The following BDH1 variants were observed in gnomAD, a reference collection of about 807,000 sequenced individuals.
The protein encoded by BDH1 is 3-hydroxybutyrate dehydrogenase 1, also known as D-beta-hydroxybutyrate dehydrogenase, mitochondrial.
BDH1 carries 30 observed loss-of-function variants against 33.1 expected under a neutral mutation model. The ratio of observed to expected loss-of-function variants is 0.91; its 90% confidence interval spans 0.68 to 1.23. The LOEUF (loss-of-function observed/expected upper bound fraction) is 1.23. Among genes scored for constraint, BDH1 ranks in the 50% most tolerant of loss-of-function variants. The pLI is 0.00. For synonymous variants in BDH1, 190 were observed against 183.6 expected, an observed-to-expected ratio of 1.03 and a Z score of -0.28; for missense variants, 443 against 464.4, an observed-to-expected ratio of 0.95 and a Z score of 0.42.
upstream of BDH1, among the ~76,000 whole-genome samples, chr3:197,559,797 G>T (rs1304412313): frequency 6.6e-6 from 1 of 152,246 alleles, no homozygotes; most frequent in Non-Finnish European, 1.5e-5. Flanking sequence ...TGGGTTAAGG[G>T]GTCAGACAAA....
intron 1 of BDH1, among the ~76,000 whole-genome samples, chr3:197,569,845 T>C (rs773154956): frequency 6.6e-6 from 1 of 152,208 alleles, no homozygotes; most frequent in Non-Finnish European, 1.5e-5. Context: ...ATACAGTAAA[T>C]TGGTACTGGT....
At chr3:197,567,042 T>C (rs1717454537) in intron 1 of BDH1, among the ~76,000 whole-genome samples, 1 of 151,964 alleles carries the variant, frequency 6.6e-6, no homozygotes. Flanking sequence ...ATTGTTCTTT[T>C]GTTTGTTGTT....
chr3:197,570,076 C>A (rs1195841680), intron 1 of BDH1, among the ~76,000 whole-genome samples: 1 of 152,150 alleles, frequency 6.6e-6, no homozygotes, highest in Non-Finnish European at 1.5e-5. Flanking sequence ...GGAGATGAGG[C>A]ACTTGGGAAC....
At chr3:197,572,326 G>A (rs2108779791) in intron 1 of BDH1, among the ~76,000 whole-genome samples, 1 of 152,270 alleles carries the variant, frequency 6.6e-6, no homozygotes, top group East Asian at 1.9e-4. Flanking sequence ...TCCAAAGGAA[G>A]GCCTTCAGGA....
intron 5 of BDH1, among the ~76,000 whole-genome samples, chr3:197,524,445 G>A (rs754380835): frequency 2.8e-4 from 43 of 152,336 alleles, no homozygotes; most frequent in Admixed American, 2.4e-3. Flanking sequence ...CCCCAACCCC[G>A]GGAATGGAGA....
rs767678541 is a variant in BDH1 at position 197,533,482 on chromosome 3, C to T, written c.156+7G>A. The T allele has an allele frequency of 2.5e-6, 4 of 1,614,140 alleles. No individual in the cohort carries two copies. The highest frequency in any genetic ancestry group is 3.4e-6 in the Non-Finnish European group (4 of 1,179,948). Reference sequence around the variant, plus strand: ...ACTGGCTCCCGGGTAGCTGGGCTTCCACTCACCGGCTCCGCCGCACTGGCA... The same window carrying T: ...ACTGGCTCCCGGGTAGCTGGGCTTCTACTCACCGGCTCCGCCGCACTGGCA... On this transcript the variant is annotated splice_region_variant and intron_variant, in intron 4 of 7. Coordinates refer to ENST00000392379, the MANE Select transcript of BDH1 (RefSeq NM_203314.3).
At chr3:197,519,707 G>T (rs929623276) in intron 6 of BDH1, among the ~76,000 whole-genome samples, 2 of 152,030 alleles carry the variant, frequency 1.3e-5, no homozygotes, top group African/African-American at 4.8e-5. Context: ...CTGACTGACT[G>T]GTAAGTGATG....
At chr3:197,544,080 G>C (rs1715882549) in intron 3 of BDH1, among the ~76,000 whole-genome samples, 1 of 152,182 alleles carries the variant, frequency 6.6e-6, no homozygotes, top group Non-Finnish European at 1.5e-5. Flanking sequence ...GCAGACTGGA[G>C]TATGAGGCCC....
intron 4 of BDH1, among the ~76,000 whole-genome samples, chr3:197,533,026 C>T (rs1184925491): frequency 1.3e-5 from 2 of 152,156 alleles, no homozygotes; most frequent in East Asian, 3.9e-4. Context: ...TACAGGCATG[C>T]ACCTCCACGC....
rs1711977528 is a variant in BDH1, at chr3:197,511,115, T to C, written c.*780A>G. The C allele has an allele frequency of 6.6e-6, 1 of 152,248 alleles. No individual in the cohort carries two copies. The highest frequency in any genetic ancestry group is 1.5e-5 in the Non-Finnish European group (1 of 68,122). 9.4% of individuals were successfully genotyped at this position (152,248 alleles called of 1,614,324 possible). A position where few individuals can be genotyped will look rare whatever the true frequency, so the allele number is the denominator to read the frequency against. On this transcript the variant is annotated 3_prime_UTR_variant, in exon 8 of 8. Coordinates refer to ENST00000392379, the MANE Select transcript of BDH1 (RefSeq NM_203314.3). ...GGTGGTGGGTGCCTATAACCCCAGC[T>C]ACTTGGAAGGCTGAGGCAGGAGAAC... is the stretch of plus-strand genomic sequence containing the variant.
intron 7 of BDH1, among the ~76,000 whole-genome samples, chr3:197,513,863 C>T (rs923057247): frequency 3.1e-4 from 47 of 152,208 alleles, no homozygotes; most frequent in Non-Finnish European, 5.3e-4. Context: ...CCTAATACCA[C>T]AATGATCTCA....
chr3:197,543,227 T>A, intron 3 of BDH1: 1 of 968,742 alleles, frequency 1.0e-6, no homozygotes. Flanking sequence ...GGGAGAAATA[T>A]GGCCTCACGG....
intron 3 of BDH1, 94 bp from the exon 4 acceptor site, chr3:197,533,655 C>A: frequency 8.0e-7 from 1 of 1,255,404 alleles, no homozygotes; most frequent in Non-Finnish European, 1.2e-6. Flanking sequence ...TCTCCAGCCC[C>A]GGCTCCTGGA....
chr3:197,519,858 T>C (rs1335889681), intron 6 of BDH1, among the ~76,000 whole-genome samples: 2 of 151,962 alleles, frequency 1.3e-5, no homozygotes, highest in African/African-American at 4.8e-5. Flanking sequence ...CGGTGGCAGA[T>C]GGCTCTGTGG....
intron 3 of BDH1, among the ~76,000 whole-genome samples, chr3:197,543,513 G>A (rs1340122604): frequency 6.6e-6 from 1 of 152,224 alleles, no homozygotes; most frequent in Admixed American, 6.5e-5. Context: ...TTCTGGCAAA[G>A]CCAGAAATCT....
In BDH1 at chr3:197,521,538, G is replaced by A. The variant is rs1454982598; in HGVS notation, c.409+1102C>T. ...TGATCCCCGAACACTCACATTCCCA[G>A]GGGTCCCTCTGTGCATCTCCCCGAC... On this transcript the variant is annotated intron_variant, in intron 6 of 7. Transcript: ENST00000392379. The surrounding 1 kb of genome is among the most constrained non-coding windows in gnomAD (Gnocchi z 4.9). 6.6e-6 allele frequency among the ~76,000 whole-genome samples: 1 copy of A among 151,944 alleles called. No homozygotes were observed.
chr3:197,570,589 A>G (rs1417014236), intron 1 of BDH1, among the ~76,000 whole-genome samples: 1 of 152,324 alleles, frequency 6.6e-6, no homozygotes, highest in Non-Finnish European at 1.5e-5. Flanking sequence ...GTGCCAAGGT[A>G]CACCTCAGGC....
chr3:197,552,350 GTTCCTCCAGA>G (rs1716648108), intron 2 of BDH1, among the ~76,000 whole-genome samples: 1 of 152,154 alleles, frequency 6.6e-6, no homozygotes, highest in Non-Finnish European at 1.5e-5. Flanking sequence ...TTCCACTGTA[GTTCCTCCAGA>G]TTCTGGTCAA....
rs1713540740 is a variant in BDH1 at position 197,521,451 on chromosome 3, C to G, written c.409+1189G>C. Among the ~76,000 whole-genome samples the G allele has an allele frequency of 6.6e-6, 1 of 152,138 alleles. No individual in the cohort carries two copies. The highest frequency in any genetic ancestry group is 1.5e-5 in the Non-Finnish European group (1 of 68,022). Reference sequence around the variant, plus strand: ...GGTACTGCCCTCTCCTCCAAACTTTCTGTTGTTTAGCCTCTGGGGAACTGT... The same window carrying G: ...GGTACTGCCCTCTCCTCCAAACTTTGTGTTGTTTAGCCTCTGGGGAACTGT... On this transcript the variant is annotated intron_variant, in intron 6 of 7. Transcript: ENST00000392379. This position sits in a 1 kb window ranked among gnomAD's most constrained non-coding sequence, Gnocchi z 4.9.
Sources: allele counts gnomAD v4.1 joint callset (sites outside exome capture counted in the v4.1 genomes callset), GRCh38; gene constraint gnomAD v4.1.1; non-coding constraint Gnocchi (gnomAD v3.1); transcripts MANE v1.5; gene names NCBI Gene and HGNC (gene_info 2026-07-23, HGNC 2026-07-21).